ATP6V1H: variants seen among roughly 807,000 people sequenced by gnomAD.
ATP6V1H encodes the protein ATPase H+ transporting V1 subunit H.
A neutral mutation model predicts 71.7 loss-of-function variants in ATP6V1H; 39 were observed. That is an observed-to-expected ratio of 0.54 (90% CI 0.42 to 0.71). The LOEUF is 0.71. Ranked by LOEUF, ATP6V1H falls within the 30% of genes least tolerant of loss-of-function variation. ATP6V1H has a pLI of 0.00. For synonymous variants in ATP6V1H, 192 were observed against 199.3 expected (o/e 0.96, Z 0.31); for missense variants, 509 against 594.9 (o/e 0.86, Z 1.50).
chr8:53,750,071 T>C (rs1223344874), intron 12 of ATP6V1H, among the ~76,000 whole-genome samples: 2 of 152,234 alleles, frequency 1.3e-5, no homozygotes, highest in Admixed American at 6.5e-5. Context: ...CATGTTACCA[T>C]ATTAAAGGTT....
chr8:53,751,673 CTT>C (rs11404196), intron 12 of ATP6V1H, among the ~76,000 whole-genome samples: 1 of 144,788 alleles, frequency 6.9e-6, no homozygotes. Context: ...AAGATAATTT[CTT>C]TTTTTTTTTT....
chr8:53,731,339 G>C (rs949938202), intron 13 of ATP6V1H, among the ~76,000 whole-genome samples: 22 of 152,310 alleles, frequency 1.4e-4, no homozygotes, highest in African/African-American at 5.3e-4. Context: ...GAAAGAGGAA[G>C]TAAAAGCTAA....
chr8:53,799,865 C>G (rs113384929), intron 8 of ATP6V1H, among the ~76,000 whole-genome samples: 1 of 152,078 alleles, frequency 6.6e-6, no homozygotes, highest in African/African-American at 2.4e-5. Flanking sequence ...GGAAACAGGC[C>G]CTCACCAGAC....
intron 13 of ATP6V1H, among the ~76,000 whole-genome samples, chr8:53,737,309 A>G (rs1290162353): frequency 6.6e-6 from 1 of 152,240 alleles, no homozygotes; most frequent in Non-Finnish European, 1.5e-5. Flanking sequence ...ATTTTCTAAC[A>G]AGTATTCCTG....
At chr8:53,837,764 T>C (rs1811206655) in intron 2 of ATP6V1H, among the ~76,000 whole-genome samples, 1 of 152,120 alleles carries the variant, frequency 6.6e-6, no homozygotes, top group African/African-American at 2.4e-5. Context: ...GCAGCAAGGA[T>C]AGCAGAGACA....
At chr8:53,841,780 A>G (rs1463496747) in intron 1 of ATP6V1H, 55 bp from the exon 2 acceptor site, 2 of 1,479,478 alleles carry the variant, frequency 1.4e-6, no homozygotes, top group Admixed American at 2.1e-5. Flanking sequence ...TTTTTTTACA[A>G]CTATTAATAT....
chr8:53,732,721 A>C (rs1481796957), intron 13 of ATP6V1H, among the ~76,000 whole-genome samples: 2 of 152,160 alleles, frequency 1.3e-5, no homozygotes, highest in African/African-American at 2.4e-5. Flanking sequence ...ACAGAATTAA[A>C]AGAAGAAATC....
At position 53,782,449 on chromosome 8, in the gene ATP6V1H, A is replaced by G. The variant is rs572902255; in HGVS notation, c.871-10282T>C. ...GCTTAAGGAGATTTTGGGCTGAGAC[A>G]ATGGGGTTTTCTAGATATACAATCA... On this transcript the variant is annotated intron_variant, in intron 9 of 13. Coordinates refer to ENST00000359530, the MANE Select transcript of ATP6V1H (RefSeq NM_015941.4). 2.1e-3 allele frequency among the ~76,000 whole-genome samples: 326 copies of G among 151,864 alleles called. 1 individual carries two copies. Among genetic ancestry groups the G allele is most frequent in the African/African-American group, 6.3e-3 (259 of 41,418 alleles).
chr8:53,729,350 C>T (rs886919459), intron 13 of ATP6V1H, among the ~76,000 whole-genome samples: 1 of 152,174 alleles, frequency 6.6e-6, no homozygotes, highest in Non-Finnish European at 1.5e-5. Context: ...AAACAGAACA[C>T]CCACACCCAA....
intron 4 of ATP6V1H, among the ~76,000 whole-genome samples, chr8:53,823,758 G>A (rs1810736162): frequency 6.6e-6 from 1 of 152,164 alleles, no homozygotes; most frequent in Admixed American, 6.5e-5. Flanking sequence ...ACAGGCATGA[G>A]CCACCATGCC....
intron 11 of ATP6V1H, among the ~76,000 whole-genome samples, chr8:53,760,029 A>G (rs1424610279): frequency 1.3e-5 from 2 of 152,208 alleles, no homozygotes; most frequent in Non-Finnish European, 2.9e-5. Context: ...CATATAATTT[A>G]TAAGAATGTA....
chr8:53,757,265 A>C (rs573123717), intron 11 of ATP6V1H, among the ~76,000 whole-genome samples: 96 of 152,326 alleles, frequency 6.3e-4, no homozygotes, highest in African/African-American at 2.3e-3. Context: ...TTCTGAGAAC[A>C]GGAGCCAGGA....
At chr8:53,813,342 CA>C (rs1308515647) in intron 6 of ATP6V1H, among the ~76,000 whole-genome samples, 1 of 152,134 alleles carries the variant, frequency 6.6e-6, no homozygotes, top group Non-Finnish European at 1.5e-5. Flanking sequence ...GGCAACAAGA[CA>C]AAAAGTAAAT....
chr8:53,838,181 AGTG>A (rs980704589), intron 2 of ATP6V1H, among the ~76,000 whole-genome samples: 2 of 150,430 alleles, frequency 1.3e-5, no homozygotes, highest in African/African-American at 4.9e-5. Context: ...GCTGGAGTGC[AGTG>A]GTGCAACCTC....
chr8:53,719,364 T>G (rs1437848738), intron 13 of ATP6V1H, among the ~76,000 whole-genome samples: 1 of 152,114 alleles, frequency 6.6e-6, no homozygotes, highest in Non-Finnish European at 1.5e-5. Context: ...AGAGATGGGG[T>G]TCTGCCATGT....
At position 53,837,489 on chromosome 8, in the gene ATP6V1H, C is replaced by T. The variant is rs539358063; in HGVS notation, c.113+4089G>A. 1.2e-3 allele frequency among the ~76,000 whole-genome samples: 162 copies of T among 140,054 alleles called. 2 individuals carry two copies. Among genetic ancestry groups the T allele is most frequent in the South Asian group, 0.011 (48 of 4,272 alleles). 91.9% of individuals were successfully genotyped at this position (140,054 alleles called of 152,430 possible). ...TGTTATAATGCTAAGGCTGTAAATGCTATGGAAAAAAAAAAAAAACCAGTC... is the reference window on the plus strand; with the variant it reads ...TGTTATAATGCTAAGGCTGTAAATGTTATGGAAAAAAAAAAAAAACCAGTC... On this transcript the variant is annotated intron_variant, in intron 2 of 13. Coordinates refer to ENST00000359530, the MANE Select transcript of ATP6V1H (RefSeq NM_015941.4).
chr8:53,841,507 A>G, intron 2 of ATP6V1H, 71 bp downstream of exon 2: 1 of 1,497,558 alleles, frequency 6.7e-7, no homozygotes. Flanking sequence ...TCTCTCATAG[A>G]AGCATGACCA....
At chr8:53,798,426 A>G (rs1481204265) in intron 8 of ATP6V1H, among the ~76,000 whole-genome samples, 1 of 152,108 alleles carries the variant, frequency 6.6e-6, no homozygotes, top group African/African-American at 2.4e-5. Context: ...CAGGAGGCTG[A>G]GGCAGAATTA....
chr8:53,755,507 G>C (rs966480457), intron 12 of ATP6V1H, among the ~76,000 whole-genome samples: 2 of 141,132 alleles, frequency 1.4e-5, no homozygotes, highest in Non-Finnish European at 3.0e-5. Context: ...GTTACGGGGG[G>C]TGGGGGTGGG....
Sources: allele counts gnomAD v4.1 joint callset (sites outside exome capture counted in the v4.1 genomes callset), GRCh38; gene constraint gnomAD v4.1.1; transcripts MANE v1.5; gene names NCBI Gene and HGNC (gene_info 2026-07-23, HGNC 2026-07-21).